Variants in LRSAM1 observed in about 807,000 individuals in gnomAD.
LRSAM1 encodes the protein E3 ubiquitin-protein ligase LRSAM1.
LRSAM1 carries 96 observed loss-of-function variants against 118.1 expected under a neutral mutation model. The observed-to-expected ratio is 0.81, with a 90% CI of 0.69 to 0.96. The LOEUF (loss-of-function observed/expected upper bound fraction) is 0.96. Ranked by LOEUF, LRSAM1 falls within the 40% of genes least tolerant of loss-of-function variation. The pLI is 0.00. For synonymous variants in LRSAM1, 322 were observed against 364.2 expected (o/e 0.88, Z 1.32); for missense variants, 804 against 915.5 (o/e 0.88, Z 1.57).
chr9:127,483,104 G>A (rs780631664), intron 16 of LRSAM1, 84 bp downstream of exon 16: 93 of 1,263,298 alleles, frequency 7.4e-5, no homozygotes, highest in Non-Finnish European at 1.0e-4. Context: ...TGTTGGCCAT[G>A]CATGGAGGGC....
intron 17 of LRSAM1, among the ~76,000 whole-genome samples, chr9:127,486,216 G>A (rs1007486835): frequency 6.6e-6 from 1 of 152,254 alleles, no homozygotes; most frequent in African/African-American, 2.4e-5. Context: ...GCAGGTGGCG[G>A]AGCCAGGATT....
At chr9:127,459,789 C>T (rs1269024771) in intron 7 of LRSAM1, among the ~76,000 whole-genome samples, 1 of 152,088 alleles carries the variant, frequency 6.6e-6, no homozygotes, top group Non-Finnish European at 1.5e-5. Flanking sequence ...AAACTCCTGG[C>T]CTCAGGTGAT....
intron 17 of LRSAM1, 141 bp downstream of exon 17, chr9:127,485,976 G>A: frequency 1.3e-6 from 1 of 742,524 alleles, no homozygotes; most frequent in Non-Finnish European, 2.3e-6. Flanking sequence ...GCAAGTGATG[G>A]CTGCTCTTCC....
intron 7 of LRSAM1, among the ~76,000 whole-genome samples, chr9:127,460,847 C>CTTGTT (rs1834708869): frequency 1.3e-5 from 1 of 77,416 alleles, no homozygotes; most frequent in African/African-American, 5.0e-5. Flanking sequence ...CTGTTTCTTT[C>CTTGTT]TTTTTTTTTT....
Position 127,495,308 on chromosome 9 carries a change from C to A in LRSAM1, c.1600-12C>A. 2 of 1,612,412 alleles carry A rather than the reference C, an allele frequency of 1.2e-6. No individual in the cohort carries two copies. Among genetic ancestry groups the A allele is most frequent in the Non-Finnish European group, 1.7e-6 (2 of 1,178,516 alleles). ...ATTTTGTGACTAACATTGCCTGCTT[C>A]ATTCCTGGCAGACGGAGTTAGAAGC... On this transcript the variant is annotated splice_polypyrimidine_tract_variant and intron_variant, in intron 21 of 25. Coordinates refer to ENST00000300417, the MANE Select transcript of LRSAM1 (RefSeq NM_001005373.4).
At chr9:127,483,870 C>G (rs1835629183) in intron 16 of LRSAM1, among the ~76,000 whole-genome samples, 1 of 152,128 alleles carries the variant, frequency 6.6e-6, no homozygotes, top group South Asian at 2.1e-4. Flanking sequence ...GCCATGTTGG[C>G]CAGGCTGCTC....
intron 19 of LRSAM1, among the ~76,000 whole-genome samples, chr9:127,490,437 G>A (rs1295332198): frequency 1.3e-5 from 2 of 151,830 alleles, no homozygotes; most frequent in Non-Finnish European, 2.9e-5. Flanking sequence ...CTGGCTATGG[G>A]GTCTGACCCC....
chr9:127,493,259 G>T (rs986773934), intron 21 of LRSAM1, among the ~76,000 whole-genome samples: 1 of 151,904 alleles, frequency 6.6e-6, no homozygotes, highest in Non-Finnish European at 1.5e-5. Context: ...ATGGGGTTTC[G>T]CTATGTTGCC....
At chr9:127,469,904 G>A (rs1260671358) in intron 10 of LRSAM1, among the ~76,000 whole-genome samples, 1 of 152,136 alleles carries the variant, frequency 6.6e-6, no homozygotes, top group Non-Finnish European at 1.5e-5. Context: ...GGAGGAGCTT[G>A]CAGTGAGCCG....
At position 127,479,485 on chromosome 9, in the gene LRSAM1, A is replaced by C. The variant is rs1835453636; in HGVS notation, c.883A>C (p.Ile295Leu). The C allele has an allele frequency of 1.2e-6, 2 of 1,613,924 alleles. No individual in the cohort carries two copies. Among genetic ancestry groups the C allele is most frequent in the South Asian group, 1.1e-5 (1 of 91,070 alleles). The change falls in exon 13 of 26, where the codon ATC (isoleucine) becomes CTC (leucine). Residue 295 changes from isoleucine to leucine, a missense_variant. Transcript: ENST00000300417. ...GCAGAGCAGCAGCCAGAAGGATGAGATCCTTCAGACGGTCAAGGAGGTTTG... is the reference window on the plus strand; with the variant it reads ...GCAGAGCAGCAGCCAGAAGGATGAGCTCCTTCAGACGGTCAAGGAGGTTTG... ...LQQSSSQKDE[I>L]LQTVKEEQSR...
At chr9:127,463,008 C>G (rs898287711) in intron 9 of LRSAM1, among the ~76,000 whole-genome samples, 3 of 152,008 alleles carry the variant, frequency 2.0e-5, no homozygotes, top group South Asian at 4.2e-4. Flanking sequence ...CCAGCCTGGC[C>G]AACATGGTGA....
chr9:127,475,348 A>G (rs1457100971), intron 11 of LRSAM1, among the ~76,000 whole-genome samples: 2 of 152,138 alleles, frequency 1.3e-5, no homozygotes, highest in East Asian at 3.9e-4. Flanking sequence ...AAACTTAGCC[A>G]GGCATGGAGG....
rs1836456838 is a variant in LRSAM1 at position 127,502,979 on chromosome 9, A to G, written c.*80A>G. ...CCGGGCTCCTGCTCAGCCTTGTGCCAGCCAGACTCGTATGAGGCTCCCCCC... is the reference window on the plus strand; with the variant it reads ...CCGGGCTCCTGCTCAGCCTTGTGCCGGCCAGACTCGTATGAGGCTCCCCCC... On this transcript the variant is annotated 3_prime_UTR_variant, in exon 26 of 26. Coordinates refer to ENST00000300417, the MANE Select transcript of LRSAM1 (RefSeq NM_001005373.4). The G allele has an allele frequency of 2.6e-6, 4 of 1,536,672 alleles. No individual in the cohort carries two copies. Among genetic ancestry groups the G allele is most frequent in the Non-Finnish European group, 3.5e-6 (4 of 1,140,172 alleles).
chr9:127,465,050 C>T lies in LRSAM1; in HGVS notation c.528+2677C>T, dbSNP rs1028778226. ...TGAGATAACCGTTCTGAGTTCAGGC[C>T]GTACTGTGGGCAAGATCTTCAGGTG... On this transcript the variant is annotated intron_variant, in intron 9 of 25. Transcript: ENST00000300417. The surrounding 1 kb of genome is among the most constrained non-coding windows in gnomAD (Gnocchi z 4.1). 6.6e-5 allele frequency among the ~76,000 whole-genome samples: 10 copies of T among 152,048 alleles called. No individual in the cohort carries two copies. The East Asian group carries it at 1.3e-3, about 20-fold the overall frequency.
At chr9:127,495,519 TG>T in intron 22 of LRSAM1, 101 bp downstream of exon 22, 1 of 983,966 alleles carries the variant, frequency 1.0e-6, no homozygotes, top group Non-Finnish European at 1.6e-6. Flanking sequence ...GTTACTTTTC[TG>T]GTGACTCTAG....
rs1306368505 is a variant in LRSAM1 at position 127,500,374 on chromosome 9, A to AAAAAAAAAAG, written c.1913-635_1913-634insAAAAAAAAGA. Reference sequence around the variant, plus strand: ...AGACTGTCTCAAAAAAAAAAAAAAAAAGAGACTTAGCATTTTGTAAGGGCT... The same window carrying AAAAAAAAAAG: ...AGACTGTCTCAAAAAAAAAAAAAAAAAAAAAAAAAGAGAGACTTAGCATTTTGTAAGGGCT... On this transcript the variant is annotated intron_variant, in intron 24 of 25. Transcript: ENST00000300417. 1.2e-3 allele frequency among the ~76,000 whole-genome samples: 181 copies of AAAAAAAAAAG among 150,662 alleles called. 2 individuals carry two copies. The East Asian group carries it at 0.024, about 20-fold the overall frequency.
chr9:127,478,961 A>G lies in LRSAM1; in HGVS notation c.778A>G (p.Lys260Glu). 6.2e-7 allele frequency: 1 copy of G among 1,613,720 alleles called. No homozygotes were observed. The highest frequency in any genetic ancestry group is 8.5e-7 in the Non-Finnish European group (1 of 1,179,594). Residue 260 changes from lysine to glutamate, a missense_variant and splice_region_variant, in exon 12 of 26, where the codon AAG (lysine) becomes GAG (glutamate). Physicochemically the swap from Lys to Glu is moderately conservative, Grantham distance 56 (BLOSUM62 1). Transcript: ENST00000300417. ...CAGGTTCTCAGACTATGAGAAGAGGAAGGTAAGAAAATGCCTTTACCCTTC... is the reference window on the plus strand; with the variant it reads ...CAGGTTCTCAGACTATGAGAAGAGGGAGGTAAGAAAATGCCTTTACCCTTC... ...QNRFSDYEKR[K>E]EQKMLEKLEF...
At position 127,503,174 on chromosome 9, in the gene LRSAM1, G is replaced by A; in HGVS notation, c.*275G>A. On this transcript the variant is annotated 3_prime_UTR_variant, in exon 26 of 26. Coordinates refer to ENST00000300417, the MANE Select transcript of LRSAM1 (RefSeq NM_001005373.4). ...CCCGAGCCTGGGAGCCAGCGTCCCA[G>A]CCTAATCACGGATCTGCTGCCTCCC... 2.0e-6 allele frequency: 1 copy of A among 496,570 alleles called. No homozygotes were observed. Among genetic ancestry groups the A allele is most frequent in the Non-Finnish European group, 3.7e-6 (1 of 271,146 alleles). 30.8% of individuals were successfully genotyped at this position (496,570 alleles called of 1,614,324 possible).
At chr9:127,461,509 C>T (rs1423179668) in intron 8 of LRSAM1, among the ~76,000 whole-genome samples, 1 of 152,176 alleles carries the variant, frequency 6.6e-6, no homozygotes, top group African/African-American at 2.4e-5. Flanking sequence ...AGCTGGGCCC[C>T]GAGCCTCAGT....
Sources: gnomAD v4.1 joint callset for allele counts (sites outside exome capture counted in the v4.1 genomes callset) on GRCh38, gnomAD v4.1.1 for gene constraint, Gnocchi (gnomAD v3.1) non-coding constraint, MANE v1.5 for transcripts, NCBI Gene and HGNC (gene_info 2026-07-23, HGNC 2026-07-21) for gene names.